Variants in ERBB4 observed in about 807,000 individuals in gnomAD.
ERBB4 encodes receptor tyrosine-protein kinase erbB-4.
ERBB4 carries 42 observed loss-of-function variants against 158.0 expected under a neutral mutation model. That is an observed-to-expected ratio of 0.27 (90% CI 0.21 to 0.34). The LOEUF is 0.34. ERBB4 is among the 10% of genes least tolerant of loss of function. The pLI, the probability that ERBB4 is intolerant of heterozygous loss-of-function variation, is 1.00. For synonymous variants in ERBB4, 583 were observed against 558.7 expected, an observed-to-expected ratio of 1.04 and a Z score of -0.61; for missense variants, 1,333 against 1,624.1, an observed-to-expected ratio of 0.82 and a Z score of 3.08.
At chr2:211,525,087 C>T (rs925304379) in intron 20 of ERBB4, among the ~76,000 whole-genome samples, 7 of 152,180 alleles carry the variant, frequency 4.6e-5, no homozygotes, top group Non-Finnish European at 1.0e-4. Context: ...CTGAAGTGTT[C>T]TGGGTTCCTA....
At chr2:212,497,955 A>C (rs2106227498) in intron 1 of ERBB4, among the ~76,000 whole-genome samples, 1 of 152,316 alleles carries the variant, frequency 6.6e-6, no homozygotes, top group Middle Eastern at 3.4e-3. Context: ...ATTTGTAACA[A>C]TAAATTGGCA....
chr2:212,399,168 T>C (rs62186271), intron 1 of ERBB4, among the ~76,000 whole-genome samples: 85,469 of 151,622 alleles, frequency 0.56, 25,062 homozygotes, highest in African/African-American at 0.7. Context: ...ATCTCAAACT[T>C]CTGACCTCAA....
At chr2:211,403,359 A>C (rs1053784619) in intron 25 of ERBB4, among the ~76,000 whole-genome samples, 3 of 152,138 alleles carry the variant, frequency 2.0e-5, no homozygotes, top group Admixed American at 2.0e-4. Context: ...AATTCATTCA[A>C]GCCCTTCTTC....
At chr2:212,283,663 T>C (rs2106155971) in intron 1 of ERBB4, among the ~76,000 whole-genome samples, 1 of 152,108 alleles carries the variant, frequency 6.6e-6, no homozygotes, top group East Asian at 1.9e-4. Flanking sequence ...ATGTATCAAG[T>C]AGTCAGCCTT....
At chr2:211,716,995 G>C (rs1398411008) in intron 7 of ERBB4, among the ~76,000 whole-genome samples, 1 of 152,158 alleles carries the variant, frequency 6.6e-6, no homozygotes, top group Non-Finnish European at 1.5e-5. Flanking sequence ...GCTTTCAGGT[G>C]AATCACTATA....
At chr2:212,052,622 T>C (rs1251094508) in intron 2 of ERBB4, among the ~76,000 whole-genome samples, 1 of 152,196 alleles carries the variant, frequency 6.6e-6, no homozygotes, top group Non-Finnish European at 1.5e-5. Flanking sequence ...TTATAGATTT[T>C]AGAATAAACA....
chr2:212,272,053 C>A (rs933754093), intron 1 of ERBB4, among the ~76,000 whole-genome samples: 51 of 151,538 alleles, frequency 3.4e-4, no homozygotes, highest in African/African-American at 1.1e-3. Flanking sequence ...GAAAACAGAG[C>A]CTCTCCCAGT....
chr2:212,486,438 G>A (rs953327305), intron 1 of ERBB4, among the ~76,000 whole-genome samples: 4 of 152,062 alleles, frequency 2.6e-5, no homozygotes, highest in Non-Finnish European at 2.9e-5. Flanking sequence ...AAATAATGTT[G>A]TATTTGTTTT....
chr2:211,798,323 T>A (rs2076427475), intron 3 of ERBB4, among the ~76,000 whole-genome samples: 2 of 152,284 alleles, frequency 1.3e-5, no homozygotes, highest in South Asian at 4.1e-4. Flanking sequence ...ATTTATGCTG[T>A]TGCTTTAATT....
chr2:211,694,715 C>T (rs1211297541), intron 12 of ERBB4, among the ~76,000 whole-genome samples: 2 of 152,070 alleles, frequency 1.3e-5, no homozygotes, highest in Admixed American at 6.6e-5. Flanking sequence ...ATGGTTCATA[C>T]CAAGCTATGG....
intron 3 of ERBB4, among the ~76,000 whole-genome samples, chr2:211,827,623 T>C (rs555530420): frequency 1.3e-5 from 2 of 151,508 alleles, no homozygotes. Flanking sequence ...GTCAAAAAAC[T>C]TAAGTAAATT....
chr2:211,637,911 A>G (rs919325357), intron 16 of ERBB4, among the ~76,000 whole-genome samples: 2 of 151,962 alleles, frequency 1.3e-5, no homozygotes, highest in African/African-American at 4.8e-5. Flanking sequence ...TTTTGCTTCA[A>G]TATCTATGCT....
At chr2:212,285,279 C>G (rs1272582813) in intron 1 of ERBB4, among the ~76,000 whole-genome samples, 1 of 152,038 alleles carries the variant, frequency 6.6e-6, no homozygotes. Flanking sequence ...GTAATTAACT[C>G]AGAAAGACAT....
chr2:211,408,969 T>C (rs867868593), intron 25 of ERBB4, among the ~76,000 whole-genome samples: 2 of 152,224 alleles, frequency 1.3e-5, no homozygotes, highest in Non-Finnish European at 2.9e-5. Context: ...GGGGACAGGA[T>C]ATTTTTCAAA....
chr2:212,113,935 T>C (rs764983732), intron 2 of ERBB4, among the ~76,000 whole-genome samples: 28 of 152,192 alleles, frequency 1.8e-4, no homozygotes, highest in Non-Finnish European at 3.2e-4. Context: ...GTAATTCCTG[T>C]GCATTTTTTT....
chr2:211,390,341 A>G (rs1352540178), intron 25 of ERBB4, among the ~76,000 whole-genome samples: 1 of 152,242 alleles, frequency 6.6e-6, no homozygotes, highest in African/African-American at 2.4e-5. Context: ...AAAGGCAAGA[A>G]TGAAACAAGG....
intron 3 of ERBB4, among the ~76,000 whole-genome samples, chr2:211,800,539 T>C (rs1488322645): frequency 2.0e-5 from 3 of 152,122 alleles, no homozygotes; most frequent in Non-Finnish European, 4.4e-5. Flanking sequence ...TGTAATCTAC[T>C]TCTAAGTATA....
intron 3 of ERBB4, among the ~76,000 whole-genome samples, chr2:211,827,816 T>C (rs1389820969): frequency 6.6e-6 from 1 of 152,034 alleles, no homozygotes; most frequent in Non-Finnish European, 1.5e-5. Flanking sequence ...TTACAACATA[T>C]GCAATTATTT....
chr2:212,506,476 GAA>G (rs777985374), intron 1 of ERBB4, among the ~76,000 whole-genome samples: 27 of 150,438 alleles, frequency 1.8e-4, no homozygotes, highest in Non-Finnish European at 8.9e-5. Context: ...GAATGCAAAG[GAA>G]AAGTTATTGA....
Sources: gnomAD v4.1 joint callset for allele counts (sites outside exome capture counted in the v4.1 genomes callset) on GRCh38, gnomAD v4.1.1 for gene constraint, MANE v1.5 for transcripts, NCBI Gene and HGNC (gene_info 2026-07-23, HGNC 2026-07-21) for gene names.